TSHZ2: variants seen among roughly 807,000 people sequenced by gnomAD.
The protein encoded by TSHZ2 is teashirt zinc finger homeobox 2.
TSHZ2 carries 21 observed loss-of-function variants against 74.4 expected under a neutral mutation model. The ratio of observed to expected loss-of-function variants is 0.28; its 90% confidence interval spans 0.20 to 0.41. The LOEUF is 0.41. TSHZ2 is among the 10% of genes least tolerant of loss of function. The pLI is 1.00. For synonymous variants in TSHZ2, 540 were observed against 515.3 expected (o/e 1.05, Z -0.65); for missense variants, 1,244 against 1,293.5 (o/e 0.96, Z 0.59).
chr20:53,396,544 T>A (rs1490061346), intron 2 of TSHZ2, among the ~76,000 whole-genome samples: 3 of 151,978 alleles, frequency 2.0e-5, no homozygotes, highest in Admixed American at 2.0e-4. Flanking sequence ...TGCAATCCCA[T>A]CAGTTAAAAA....
chr20:53,067,159 G>A (rs1341923315), intron 1 of TSHZ2, among the ~76,000 whole-genome samples: 1 of 152,066 alleles, frequency 6.6e-6, no homozygotes, highest in Non-Finnish European at 1.5e-5. Flanking sequence ...ATGGTGATAG[G>A]GGACCAGTGA....
At chr20:53,113,456 GTTTA>G (rs965070389) in intron 1 of TSHZ2, among the ~76,000 whole-genome samples, 4 of 152,038 alleles carry the variant, frequency 2.6e-5, no homozygotes, top group African/African-American at 4.8e-5. Context: ...CGTATAAAAT[GTTTA>G]TTTATCAACC....
intron 1 of TSHZ2, among the ~76,000 whole-genome samples, chr20:53,032,185 C>T (rs762403664): frequency 2.0e-5 from 3 of 152,176 alleles, no homozygotes; most frequent in Non-Finnish European, 4.4e-5. Context: ...GTCCAACGAA[C>T]GTCAGATCCA....
At chr20:53,156,531 A>G (rs528163854) in intron 1 of TSHZ2, among the ~76,000 whole-genome samples, 1 of 152,342 alleles carries the variant, frequency 6.6e-6, no homozygotes, top group Non-Finnish European at 1.5e-5. Context: ...AGCAAAGCTT[A>G]TCACTCTTTA....
At chr20:53,182,090 C>CTTCCT (rs1192621015) in intron 1 of TSHZ2, among the ~76,000 whole-genome samples, 2 of 151,290 alleles carry the variant, frequency 1.3e-5, no homozygotes. Context: ...GCCGGCCTGC[C>CTTCCT]TTCCTTTCCT....
intron 2 of TSHZ2, among the ~76,000 whole-genome samples, chr20:53,336,575 C>A (rs140894806): frequency 6.6e-6 from 1 of 152,314 alleles, no homozygotes; most frequent in East Asian, 1.9e-4. Context: ...TGGGTAAGCA[C>A]AGTGAGGCCA....
intron 2 of TSHZ2, among the ~76,000 whole-genome samples, chr20:53,296,419 A>G (rs1036188717): frequency 1.3e-5 from 2 of 152,192 alleles, no homozygotes; most frequent in Non-Finnish European, 2.9e-5. Context: ...GCAATTTCCA[A>G]TATGTAACCT....
chr20:53,012,469 A>C (rs1982885523), intron 1 of TSHZ2, among the ~76,000 whole-genome samples: 1 of 152,194 alleles, frequency 6.6e-6, no homozygotes, highest in Non-Finnish European at 1.5e-5. Context: ...TTTTCATTTA[A>C]CAAGATCCGC....
At chr20:53,348,918 A>G (rs1414913590) in intron 2 of TSHZ2, among the ~76,000 whole-genome samples, 1 of 152,236 alleles carries the variant, frequency 6.6e-6, no homozygotes, top group Non-Finnish European at 1.5e-5. Flanking sequence ...CCCCGCAAGG[A>G]TACCAAGCTA....
At chr20:53,233,795 A>C (rs1231402992) in intron 1 of TSHZ2, among the ~76,000 whole-genome samples, 1 of 152,196 alleles carries the variant, frequency 6.6e-6, no homozygotes, top group East Asian at 1.9e-4. Context: ...CAGTACTAAC[A>C]AAAAAAGAAG....
At chr20:53,182,113 T>C (rs1276661247) in intron 1 of TSHZ2, among the ~76,000 whole-genome samples, 2 of 151,194 alleles carry the variant, frequency 1.3e-5, no homozygotes, top group East Asian at 1.9e-4. Flanking sequence ...CTTCCTTCCT[T>C]CCTCCCTTCT....
At chr20:53,412,397 T>C (rs1983085863) in intron 2 of TSHZ2, among the ~76,000 whole-genome samples, 2 of 152,356 alleles carry the variant, frequency 1.3e-5, no homozygotes, top group Middle Eastern at 6.8e-3. Flanking sequence ...CCATTGTTGG[T>C]TTTGTTTTTA....
At chr20:53,262,384 C>CAT (rs1990622203) in intron 2 of TSHZ2, among the ~76,000 whole-genome samples, 2 of 152,132 alleles carry the variant, frequency 1.3e-5, no homozygotes, top group Non-Finnish European at 1.5e-5. Flanking sequence ...AATGAGCAGG[C>CAT]GTTCATGATT....
intron 2 of TSHZ2, among the ~76,000 whole-genome samples, chr20:53,451,827 T>C (rs1568923964): frequency 6.6e-6 from 1 of 152,244 alleles, no homozygotes; most frequent in African/African-American, 2.4e-5. Context: ...CTTCCAATTT[T>C]GATCACCACT....
chr20:52,990,900 G>A (rs1040847400), intron 1 of TSHZ2, among the ~76,000 whole-genome samples: 5 of 152,076 alleles, frequency 3.3e-5, no homozygotes, highest in Non-Finnish European at 7.4e-5. Context: ...TTACCTCTGC[G>A]TATTGAGAAC....
chr20:53,473,505 G>C (rs74843125), intron 2 of TSHZ2, among the ~76,000 whole-genome samples: 12,309 of 123,080 alleles, frequency 0.1, 1,807 homozygotes, highest in East Asian at 0.24. Flanking sequence ...AAACCCATCT[G>C]TACATCACCA....
At chr20:53,229,009 C>G (rs374016647) in intron 1 of TSHZ2, among the ~76,000 whole-genome samples, 6 of 152,128 alleles carry the variant, frequency 3.9e-5, no homozygotes, top group African/African-American at 1.4e-4. Context: ...TGATTTTGAC[C>G]CATACTCGGG....
chr20:53,083,618 C>T (rs1985601542), intron 1 of TSHZ2, among the ~76,000 whole-genome samples: 1 of 152,228 alleles, frequency 6.6e-6, no homozygotes, highest in African/African-American at 2.4e-5. Flanking sequence ...AGGCTCAAAC[C>T]TTAGTCTGTC....
chr20:53,429,472 G>T (rs1174735415), intron 2 of TSHZ2, among the ~76,000 whole-genome samples: 2 of 152,196 alleles, frequency 1.3e-5, no homozygotes, highest in Non-Finnish European at 1.5e-5. Context: ...AGTCTCACGA[G>T]ACCTGATGGT....
Sources: gnomAD v4.1 joint callset for allele counts (sites outside exome capture counted in the v4.1 genomes callset) on GRCh38, gnomAD v4.1.1 for gene constraint, MANE v1.5 for transcripts, NCBI Gene and HGNC (gene_info 2026-07-23, HGNC 2026-07-21) for gene names.